CACNA1E: variants seen among roughly 807,000 people sequenced by gnomAD.
CACNA1E encodes the protein calcium voltage-gated channel subunit alpha1 E, also known as voltage-dependent R-type calcium channel subunit alpha-1E.
CACNA1E carries 40 observed loss-of-function variants against 259.2 expected under a neutral mutation model. The ratio of observed to expected loss-of-function variants is 0.15; its 90% CI spans 0.12 to 0.20. CACNA1E has a LOEUF of 0.20. Ranked by LOEUF, CACNA1E falls within the 10% of genes least tolerant of loss-of-function variation. CACNA1E has a pLI of 1.00. For synonymous variants in CACNA1E, 1,104 were observed against 1,138.5 expected (o/e 0.97, Z 0.61); for missense variants, 1,874 against 3,040.1 (o/e 0.62, Z 9.02).
At chr1:181,720,656 A>AAAAGTAGG in intron 14 of CACNA1E, 127 bp from the exon 15 acceptor site, 1 of 686,506 alleles carries the variant, frequency 1.5e-6, no homozygotes, top group East Asian at 2.7e-5. Context: ...GGAATGGGGA[A>AAAAGTAGG]AAAGTAGGGA....
At chr1:181,535,808 C>T (rs1668127881) in intron 3 of CACNA1E, among the ~76,000 whole-genome samples, 1 of 152,062 alleles carries the variant, frequency 6.6e-6, no homozygotes. Flanking sequence ...CTGCCTCAGC[C>T]TCCCAAGTAG....
intron 1 of CACNA1E, among the ~76,000 whole-genome samples, chr1:181,504,397 A>C (rs1032108373): frequency 6.6e-6 from 1 of 152,204 alleles, no homozygotes; most frequent in Non-Finnish European, 1.5e-5. Context: ...TGCCTGTCAG[A>C]GCATGGCCTT....
At chr1:181,565,567 C>T (rs570131739) in intron 3 of CACNA1E, among the ~76,000 whole-genome samples, 94 of 152,306 alleles carry the variant, frequency 6.2e-4, no homozygotes, top group African/African-American at 2.2e-3. Flanking sequence ...ACTTCCTGCC[C>T]CTGATCCTGT....
At chr1:181,488,844 C>T (rs1664069046) in intron 1 of CACNA1E, among the ~76,000 whole-genome samples, 1 of 152,102 alleles carries the variant, frequency 6.6e-6, no homozygotes. Context: ...AAATTATTAG[C>T]TCCATCCAAA....
chr1:181,422,279 C>A (rs935944993), intron 2 of CACNA1E, among the ~76,000 whole-genome samples: 1 of 152,218 alleles, frequency 6.6e-6, no homozygotes, highest in Admixed American at 6.5e-5. Flanking sequence ...CACTCCATAT[C>A]CCCAGTGCTG....
Position 181,521,802 on chromosome 1 carries a change from G to T in CACNA1E, c.512+10292G>T, listed in dbSNP as rs115497236. ...ATACTTAGCTAGGATGAGACGAGAA[G>T]AGGGAAGGGGACAGGATGAGGAGAG... On this transcript the variant is annotated intron_variant, in intron 3 of 47. Transcript: ENST00000367573. Among the ~76,000 whole-genome samples the T allele has an allele frequency of 5.4e-3, 821 of 152,294 alleles. 4 individuals are homozygous for T. Among genetic ancestry groups the T allele is most frequent in the South Asian group, 0.021 (102 of 4,818 alleles).
Position 181,704,783 on chromosome 1 carries a change from A to G in CACNA1E, c.1056-6171A>G, listed in dbSNP as rs898290053. Among the ~76,000 whole-genome samples, 7 of 152,258 alleles carry G rather than the reference A, an allele frequency of 4.6e-5. No homozygotes were observed. The East Asian group carries it at 1.2e-3, about 25-fold the overall frequency. On this transcript the variant is annotated intron_variant, in intron 7 of 47. Transcript: ENST00000367573. The stretch of plus-strand genomic sequence containing the variant: ...CGAGGGGCTGTGCATCAGTAAACAA[A>G]GCTCCCTGCATGGAGCCGGGAGGAG...
chr1:181,383,313 C>T (rs1378803860), intron 1 of CACNA1E, among the ~76,000 whole-genome samples: 1 of 152,218 alleles, frequency 6.6e-6, no homozygotes, highest in Non-Finnish European at 1.5e-5. Flanking sequence ...TAATTGAACT[C>T]ATTCAAGGTC....
At chr1:181,710,359 G>T (rs145683893) in intron 7 of CACNA1E, among the ~76,000 whole-genome samples, 103 of 152,290 alleles carry the variant, frequency 6.8e-4, no homozygotes, top group African/African-American at 2.3e-3. Context: ...GAGCACTAGA[G>T]TACAGGACAG....
At chr1:181,386,658 T>C (rs1357768878) in intron 1 of CACNA1E, among the ~76,000 whole-genome samples, 1 of 152,196 alleles carries the variant, frequency 6.6e-6, no homozygotes, top group African/African-American at 2.4e-5. Context: ...GAGTTTTAAA[T>C]TGTATTTTAT....
chr1:181,338,603 G>A (rs1651903297), intron 1 of CACNA1E, among the ~76,000 whole-genome samples: 1 of 149,880 alleles, frequency 6.7e-6, no homozygotes, highest in African/African-American at 2.5e-5. Context: ...CTACCAATAA[G>A]TAGGCTGTCT....
chr1:181,600,756 G>A (rs1425377700), intron 6 of CACNA1E, among the ~76,000 whole-genome samples: 1 of 152,158 alleles, frequency 6.6e-6, no homozygotes, highest in South Asian at 2.1e-4. Flanking sequence ...AGCCCAGTTA[G>A]AGATGTCATA....
intron 4 of CACNA1E, among the ~76,000 whole-genome samples, chr1:181,578,488 G>A (rs1651198652): frequency 6.6e-6 from 1 of 152,208 alleles, no homozygotes; most frequent in Admixed American, 6.5e-5. Context: ...GATCACTTGG[G>A]CCTGGGAGGC....
intron 2 of CACNA1E, among the ~76,000 whole-genome samples, chr1:181,416,442 T>C (rs1459654900): frequency 6.6e-6 from 1 of 152,242 alleles, no homozygotes; most frequent in Non-Finnish European, 1.5e-5. Context: ...TTTCTTTTCT[T>C]ATCTGCTATC....
intron 27 of CACNA1E, among the ~76,000 whole-genome samples, chr1:181,753,262 T>G (rs935070801): frequency 4.6e-5 from 7 of 152,246 alleles, no homozygotes; most frequent in African/African-American, 1.4e-4. Context: ...CAGGATCACC[T>G]GGGTACTTCT....
intron 2 of CACNA1E, among the ~76,000 whole-genome samples, chr1:181,469,749 G>A (rs986811252): frequency 6.6e-6 from 1 of 152,126 alleles, no homozygotes; most frequent in Non-Finnish European, 1.5e-5. Flanking sequence ...AGCAGTTAGG[G>A]AGGTAGAAGG....
intron 1 of CACNA1E, among the ~76,000 whole-genome samples, chr1:181,488,376 G>T (rs770019273): frequency 1.3e-5 from 2 of 152,320 alleles, no homozygotes; most frequent in East Asian, 3.9e-4. Context: ...TAATGCAGAG[G>T]GGTTCATATC....
At chr1:181,568,043 A>G (rs567795348) in intron 3 of CACNA1E, among the ~76,000 whole-genome samples, 1 of 152,184 alleles carries the variant, frequency 6.6e-6, no homozygotes, top group Non-Finnish European at 1.5e-5. Context: ...GAAAATCACC[A>G]CTTTATATGC....
chr1:181,422,669 C>T lies in CACNA1E; in HGVS notation c.434+9089C>T, dbSNP rs1464446832. 2.0e-5 allele frequency among the ~76,000 whole-genome samples: 3 copies of T among 152,254 alleles called. No individual in the cohort carries two copies. In the East Asian group the frequency reaches 5.8e-4, roughly 29 times the overall value. On this transcript the variant is annotated intron_variant, in intron 2 of 11. Coordinates refer to the CACNA1E transcript ENST00000524607. ...CTAGATTGTGGATGAGTACAGCAAC[C>T]TTTTTGAATTGTTATGAAGGAAAAA...
Sources: gnomAD v4.1 joint callset for allele counts (sites outside exome capture counted in the v4.1 genomes callset) on GRCh38, gnomAD v4.1.1 for gene constraint, MANE v1.5 for transcripts, NCBI Gene and HGNC (gene_info 2026-07-23, HGNC 2026-07-21) for gene names.